CSMD1: variants seen among roughly 807,000 people sequenced by gnomAD.
CSMD1 encodes the protein CUB and sushi domain-containing protein 1.
A neutral mutation model predicts 417.5 loss-of-function variants in CSMD1; 213 were observed. That is an observed-to-expected ratio of 0.51 (90% CI 0.46 to 0.57). The LOEUF is 0.57. CSMD1 is among the 20% of genes least tolerant of loss of function. The pLI, the probability that CSMD1 is intolerant of heterozygous loss-of-function variation, is 0.00. For synonymous variants in CSMD1, 2,862 were observed against 1,736.8 expected (o/e 1.65, Z -16.11); for missense variants, 6,923 against 4,529.7 (o/e 1.53, Z -15.17).
chr8:3,347,844 C>G lies in CSMD1; in HGVS notation c.3474+148G>C, dbSNP rs1035113549. On this transcript the variant is annotated intron_variant, in intron 22 of 69. Transcript: ENST00000635120. Reference sequence around the variant, plus strand: ...TAAGCGAAGTGACATTACACCTTCTCAAACTCATTGTGTAAATAAATACAA... The same window carrying G: ...TAAGCGAAGTGACATTACACCTTCTGAAACTCATTGTGTAAATAAATACAA... 3.3e-5 allele frequency: 18 copies of G among 551,758 alleles called. 1 individual carries two copies. Among genetic ancestry groups the G allele is most frequent in the East Asian group, 2.3e-4 (7 of 30,590 alleles). 34.2% of individuals were successfully genotyped at this position (551,758 alleles called of 1,614,324 possible). A position where few individuals can be genotyped will look rare whatever the true frequency, so the allele number is the denominator to read the frequency against.
chr8:3,557,027 A>T (rs965893720), intron 10 of CSMD1, among the ~76,000 whole-genome samples: 48 of 152,206 alleles, frequency 3.2e-4, no homozygotes, highest in African/African-American at 1.2e-3. Context: ...ACTTTGGTGG[A>T]AACTGCAGGG....
In CSMD1 at chr8:4,795,252, C is replaced by CTTTTTTTTTTTTTTTTTTTTTTTTTTT. The variant is rs571984359; in HGVS notation, c.86-157721_86-157695dup. 1.1e-4 allele frequency among the ~76,000 whole-genome samples: 5 copies of CTTTTTTTTTTTTTTTTTTTTTTTTTTT among 46,226 alleles called. 2 individuals carry two copies. The highest frequency in any genetic ancestry group is 1.4e-4 in the African/African-American group (2 of 13,848). 30.3% of individuals were successfully genotyped at this position (46,226 alleles called of 152,430 possible). A position where few individuals can be genotyped will look rare whatever the true frequency, so the allele number is the denominator to read the frequency against. ...ATTTCTAGGTCTGCTGGTGTCATAG[C>CTTTTTTTTTTTTTTTTTTTTTTTTTTT]TTTTTTTTTTTTTTTTTTTTTTTTT... On this transcript the variant is annotated intron_variant, in intron 1 of 69. Transcript: ENST00000635120.
At chr8:3,715,959 C>G (rs1418877596) in intron 6 of CSMD1, among the ~76,000 whole-genome samples, 1 of 152,236 alleles carries the variant, frequency 6.6e-6, no homozygotes, top group Non-Finnish European at 1.5e-5. Context: ...GGAAACCCCT[C>G]AGATGAACGG....
intron 5 of CSMD1, among the ~76,000 whole-genome samples, chr8:3,991,916 C>G (rs865835249): frequency 1.3e-4 from 20 of 152,008 alleles, no homozygotes; most frequent in Non-Finnish European, 1.3e-4. Flanking sequence ...GCAGTAGCAA[C>G]TATTGTTTAT....
intron 2 of CSMD1, among the ~76,000 whole-genome samples, chr8:4,552,923 C>T (rs990815142): frequency 6.6e-6 from 1 of 152,130 alleles, no homozygotes; most frequent in African/African-American, 2.4e-5. Context: ...AGTTCCTATT[C>T]CCCAGAAGGG....
At chr8:4,305,648 A>G (rs77281142) in intron 3 of CSMD1, among the ~76,000 whole-genome samples, 3,692 of 152,326 alleles carry the variant, frequency 0.024, 65 homozygotes, top group South Asian at 0.066. Context: ...TCAAAAAGGC[A>G]TAACATCCTC....
chr8:3,739,735 C>T (rs1796697518), intron 6 of CSMD1, among the ~76,000 whole-genome samples: 1 of 152,080 alleles, frequency 6.6e-6, no homozygotes, highest in Admixed American at 6.6e-5. Context: ...TATTGATCCA[C>T]AGTTATCACA....
intron 4 of CSMD1, among the ~76,000 whole-genome samples, chr8:4,010,181 C>G (rs916684889): frequency 6.6e-6 from 1 of 152,154 alleles, no homozygotes; most frequent in Admixed American, 6.5e-5. Context: ...CTGTAGTCCA[C>G]GTACACTGGT....
intron 3 of CSMD1, among the ~76,000 whole-genome samples, chr8:4,097,267 G>C (rs530392250): frequency 2.6e-5 from 4 of 152,124 alleles, no homozygotes; most frequent in South Asian, 2.1e-4. Flanking sequence ...CAGAAAACTA[G>C]ATTACAGTCT....
chr8:4,577,948 A>C (rs1799213112), intron 2 of CSMD1, among the ~76,000 whole-genome samples: 1 of 152,212 alleles, frequency 6.6e-6, no homozygotes, highest in African/African-American at 2.4e-5. Flanking sequence ...GGATGGCCAG[A>C]GAAAAATGAC....
At chr8:4,819,679 G>T (rs148867224) in intron 1 of CSMD1, among the ~76,000 whole-genome samples, 58 of 152,170 alleles carry the variant, frequency 3.8e-4, no homozygotes, top group African/African-American at 1.4e-3. Flanking sequence ...TCAGTCTTTT[G>T]TAAATTCTGT....
chr8:3,829,299 C>G (rs4442171), intron 5 of CSMD1, among the ~76,000 whole-genome samples: 6 of 151,916 alleles, frequency 3.9e-5, no homozygotes, highest in Non-Finnish European at 5.9e-5. Context: ...CATTCCTGAG[C>G]TACTTCACTT....
chr8:4,849,312 T>C (rs917232876), intron 1 of CSMD1, among the ~76,000 whole-genome samples: 1 of 152,090 alleles, frequency 6.6e-6, no homozygotes, highest in African/African-American at 2.4e-5. Context: ...TTTAAAAAAT[T>C]AAAAGTTTAT....
intron 5 of CSMD1, among the ~76,000 whole-genome samples, chr8:3,921,375 G>C (rs565985504): frequency 3.3e-5 from 5 of 151,548 alleles, no homozygotes; most frequent in Non-Finnish European, 5.9e-5. Flanking sequence ...TCTTTAAATT[G>C]TCTTTCTAGC....
At chr8:3,294,369 A>G (rs1287947810) in intron 25 of CSMD1, among the ~76,000 whole-genome samples, 1 of 152,184 alleles carries the variant, frequency 6.6e-6, no homozygotes, top group Non-Finnish European at 1.5e-5. Context: ...GGGACATTTA[A>G]GTCTGCAGAG....
intron 54 of CSMD1, among the ~76,000 whole-genome samples, chr8:2,989,152 T>C (rs925550255): frequency 6.6e-5 from 10 of 152,234 alleles, no homozygotes; most frequent in South Asian, 6.2e-4. Context: ...TCAGACCATA[T>C]TGCAGTAAAC....
At chr8:4,655,863 A>G (rs1190373356) in intron 1 of CSMD1, among the ~76,000 whole-genome samples, 2 of 152,154 alleles carry the variant, frequency 1.3e-5, no homozygotes, top group Non-Finnish European at 2.9e-5. Flanking sequence ...AAAGAAAAGA[A>G]AAGCATGTTT....
In CSMD1 at chr8:4,967,082, T is replaced by A. The variant is rs563311520; in HGVS notation, c.85+27250A>T. Among the ~76,000 whole-genome samples the A allele has an allele frequency of 4.6e-5, 7 of 152,292 alleles. No homozygotes were observed. In the South Asian group the frequency reaches 6.2e-4, roughly 14 times the overall value. On this transcript the variant is annotated intron_variant, in intron 1 of 69. Transcript: ENST00000635120. ...AAGGCTAATTCAATTAGTCACTGAT[T>A]TGAAATGTCTGAGCAGATAAATTTG...
chr8:2,948,526 T>A (rs1246250190), intron 68 of CSMD1, among the ~76,000 whole-genome samples: 1 of 152,144 alleles, frequency 6.6e-6, no homozygotes, highest in Non-Finnish European at 1.5e-5. Flanking sequence ...TCCACATCAA[T>A]ATATAGTCCT....
Sources: allele counts gnomAD v4.1 joint callset (sites outside exome capture counted in the v4.1 genomes callset), GRCh38; gene constraint gnomAD v4.1.1; transcripts MANE v1.5; gene names NCBI Gene and HGNC (gene_info 2026-07-23, HGNC 2026-07-21).